The following MATN2 variants were observed in gnomAD, a reference collection of about 807,000 sequenced individuals.
MATN2 encodes matrilin-2.
MATN2 carries 69 observed loss-of-function variants against 103.2 expected under a neutral mutation model. That is an observed-to-expected ratio of 0.67 (90% CI 0.55 to 0.82). The LOEUF (loss-of-function observed/expected upper bound fraction) is 0.82. Ranked by LOEUF, MATN2 falls within the 40% of genes least tolerant of loss-of-function variation. The pLI is 0.00. For missense variants in MATN2, 1,023 were observed against 1,211.5 expected (o/e 0.84, Z 2.31); for synonymous variants, 429 against 450.2 (o/e 0.95, Z 0.60).
intron 17 of MATN2, 34 bp downstream of exon 17, chr8:98,033,210 T>A: frequency 6.4e-7 from 1 of 1,557,304 alleles, no homozygotes; most frequent in Admixed American, 2.0e-5. Flanking sequence ...ATAAGATAAC[T>A]TGATCTCAGC....
In MATN2 at chr8:97,914,065, G is replaced by A. The variant is rs887636380; in HGVS notation, c.143-16888G>A. ...TTAAGTCCAGGGTTAGATAACAGAG[G>A]GGCAGAAACTCAACTCCCAGAGACA... On this transcript the variant is annotated intron_variant, in intron 2 of 18. Transcript: ENST00000254898. Among the ~76,000 whole-genome samples, 4 of 152,164 alleles carry A rather than the reference G, an allele frequency of 2.6e-5. No individual in the cohort carries two copies. The South Asian group carries it at 8.3e-4, about 32-fold the overall frequency.
At position 97,994,520 on chromosome 8, in the gene MATN2, C is replaced by T. The variant is rs11559201; in HGVS notation, c.1122C>T (p.His374=). ...YCASSNHGCQ[H]ECVNTDDSYS... ...CCTCATCTAATCACGGATGTCAGCACGAGTGTGTTAACACAGATGATTCCT... is the reference window on the plus strand; with the variant it reads ...CCTCATCTAATCACGGATGTCAGCATGAGTGTGTTAACACAGATGATTCCT... Residue 374 remains histidine, a synonymous_variant, in exon 7 of 19, where the codon CAC becomes CAT. Transcript: ENST00000254898. 0.16 allele frequency: 249,811 copies of T among 1,611,080 alleles called. 20,336 individuals are homozygous for T. Among genetic ancestry groups the T allele is most frequent in the Middle Eastern group, 0.21 (1,278 of 6,054 alleles).
At chr8:98,015,734 T>A (rs556683245) in intron 10 of MATN2, among the ~76,000 whole-genome samples, 2 of 152,304 alleles carry the variant, frequency 1.3e-5, no homozygotes, top group African/African-American at 4.8e-5. Flanking sequence ...TATCACATAT[T>A]TGTCTGTTTT....
intron 4 of MATN2, among the ~76,000 whole-genome samples, chr8:97,952,594 G>A (rs949153060): frequency 1.8e-3 from 95 of 52,568 alleles, no homozygotes; most frequent in African/African-American, 4.5e-3. Context: ...GGGAGTCTCT[G>A]GGGAAACTGG....
intron 15 of MATN2, among the ~76,000 whole-genome samples, chr8:98,030,924 AAGTGCTGGGATTAC>A (rs1289883467): frequency 1.3e-5 from 2 of 152,024 alleles, no homozygotes; most frequent in African/African-American, 4.8e-5. Flanking sequence ...CAGCCTCCCA[AAGTGCTGGGATTAC>A]AGGCGTGAGC....
At chr8:97,966,627 C>G (rs1466203450) in intron 5 of MATN2, among the ~76,000 whole-genome samples, 1 of 151,644 alleles carries the variant, frequency 6.6e-6, no homozygotes, top group Non-Finnish European at 1.5e-5. Flanking sequence ...ATTTTGAATT[C>G]AGGTTAGACA....
intron 2 of MATN2, among the ~76,000 whole-genome samples, chr8:97,924,715 T>C (rs1809931486): frequency 8.3e-6 from 1 of 120,328 alleles, no homozygotes; most frequent in Admixed American, 1.0e-4. Flanking sequence ...TTCATCATAT[T>C]ATTAAGTGTT....
chr8:98,019,034 A>AT (rs1813477667), intron 12 of MATN2, among the ~76,000 whole-genome samples: 2 of 149,132 alleles, frequency 1.3e-5, no homozygotes, highest in East Asian at 3.9e-4. Flanking sequence ...ATATAAATAT[A>AT]ATAGAAGACA....
At chr8:97,879,612 T>G (rs2129946364) in intron 1 of MATN2, among the ~76,000 whole-genome samples, 1 of 152,316 alleles carries the variant, frequency 6.6e-6, no homozygotes, top group East Asian at 1.9e-4. Flanking sequence ...CCAGAATTTA[T>G]CCACTCACAA....
Position 98,027,728 on chromosome 8 carries a change from C to T in MATN2, c.2255C>T (p.Ala752Val), listed in dbSNP as rs1325237655. 4 of 1,613,784 alleles carry T rather than the reference C, an allele frequency of 2.5e-6. No homozygotes were observed. The highest frequency in any genetic ancestry group is 3.3e-4 in the Middle Eastern group (2 of 6,082). The change falls in exon 14 of 19, where the codon GCC becomes GTC. Residue 752 changes from alanine to valine, a missense_variant. By Grantham distance (64) the Ala-to-Val change is moderately conservative (BLOSUM62 0). Coordinates refer to ENST00000254898, the MANE Select transcript of MATN2 (RefSeq NM_002380.5). ...AGAAGTTTTACCCAAGGAGAAGGGG[C>T]CAGGCCCCTTTCCACAAGGGTGCCC... ...FERSFTQGEG[A>V]RPLSTRVPRA...
chr8:97,979,137 C>A, intron 6 of MATN2, 129 bp downstream of exon 6: 1 of 1,062,622 alleles, frequency 9.4e-7, no homozygotes, highest in Non-Finnish European at 1.3e-6. Context: ...ACCTTTTGCC[C>A]CATTCCTCCT....
In MATN2 at chr8:97,931,539, TGTCACTCTTCTAGAGGAA is replaced by T. The variant is rs1563675554; in HGVS notation, c.712+18_712+35del. On this transcript the variant is annotated intron_variant, in intron 3 of 18. Coordinates refer to ENST00000254898, the MANE Select transcript of MATN2 (RefSeq NM_002380.5). This position sits in a 1 kb window ranked among gnomAD's most constrained non-coding sequence, Gnocchi z 4.1. ...AGTTGTGCAGTAAGTCCTGCTCCTT[TGTCACTCTTCTAGAGGAA>T]CCACTAGAATTCATTCATTCATCTT... The T allele has an allele frequency of 6.3e-7, 1 of 1,579,570 alleles. No individual in the cohort carries two copies. Among genetic ancestry groups the T allele is most frequent in the East Asian group, 2.2e-5 (1 of 44,682 alleles).
rs201255003 is a variant in MATN2 at position 98,023,368 on chromosome 8, G to A, written c.1942+2041G>A. Among the ~76,000 whole-genome samples the A allele has an allele frequency of 3.9e-5, 6 of 152,128 alleles. No homozygotes were observed. In the East Asian group the frequency reaches 9.7e-4, roughly 25 times the overall value. ...GCCATCACAAGGAATACATTAGATC[G>A]TGTATCCAAAGGTGCTGAACAGCCG... On this transcript the variant is annotated intron_variant, in intron 13 of 18. Transcript: ENST00000254898.
intron 2 of MATN2, among the ~76,000 whole-genome samples, chr8:97,893,863 C>T (rs903799874): frequency 1.3e-5 from 2 of 152,146 alleles, no homozygotes; most frequent in South Asian, 2.1e-4. Context: ...TCTTGATTCC[C>T]TCCACTCCAC....
chr8:97,911,111 C>T (rs1036253576), intron 2 of MATN2, among the ~76,000 whole-genome samples: 4 of 152,136 alleles, frequency 2.6e-5, no homozygotes, highest in Non-Finnish European at 5.9e-5. Flanking sequence ...GCCTCAGCCT[C>T]CAGAGTAGCT....
At chr8:97,944,820 T>C (rs1810692687) in intron 4 of MATN2, among the ~76,000 whole-genome samples, 1 of 152,192 alleles carries the variant, frequency 6.6e-6, no homozygotes, top group Non-Finnish European at 1.5e-5. Flanking sequence ...AGGAGGCATG[T>C]ACTCCACTTC....
chr8:97,875,695 T>TTTTG (rs1320076029), intron 1 of MATN2, among the ~76,000 whole-genome samples: 3 of 129,210 alleles, frequency 2.3e-5, no homozygotes, highest in Non-Finnish European at 5.0e-5. Flanking sequence ...TGCCTGTTTT[T>TTTTG]TTTTTTTTTT....
At chr8:97,970,263 T>G (rs1326343705) in intron 5 of MATN2, among the ~76,000 whole-genome samples, 6 of 152,126 alleles carry the variant, frequency 3.9e-5, no homozygotes, top group Admixed American at 2.0e-4. Context: ...GGATGGTAAC[T>G]CCCAGGTGTT....
rs778628638 is a variant in MATN2 at position 97,931,327 on chromosome 8, C to A, written c.517C>A (p.Pro173Thr). ...CATAATGATCGTGACAGATGGGAGA[C>A]CTCAGGACTCCGTGGCCGAGGTGGC... is the stretch of plus-strand genomic sequence containing the variant. ...RVIMIVTDGR[P>T]QDSVAEVAAK... is the part of the protein sequence containing the mutation. Residue 173 changes from proline (P) to threonine (T), a missense_variant, in exon 3 of 19, where the codon CCT becomes ACT. Pro to Thr is a conservative substitution (Grantham distance 38). Transcript: ENST00000254898. This position sits in a 1 kb window ranked among gnomAD's most constrained non-coding sequence, Gnocchi z 4.1. 1.9e-6 allele frequency: 3 copies of A among 1,613,770 alleles called. No homozygotes were observed. The highest frequency in any genetic ancestry group is 2.5e-6 in the Non-Finnish European group (3 of 1,179,884).
Sources: allele counts gnomAD v4.1 joint callset (sites outside exome capture counted in the v4.1 genomes callset), GRCh38; gene constraint gnomAD v4.1.1; non-coding constraint Gnocchi (gnomAD v3.1); transcripts MANE v1.5; gene names NCBI Gene and HGNC (gene_info 2026-07-23, HGNC 2026-07-21).